The following KCNIP4 variants were observed in gnomAD, a reference collection of about 807,000 sequenced individuals.
KCNIP4 encodes the protein potassium voltage-gated channel interacting protein 4.
Under a neutral mutation model 34.0 loss-of-function variants are expected in KCNIP4, and 12 were observed. The ratio of observed to expected loss-of-function variants is 0.35; its 90% CI spans 0.23 to 0.57. KCNIP4 has a LOEUF of 0.57. KCNIP4 is among the 20% of genes least tolerant of loss of function. The pLI is 0.83. For synonymous variants in KCNIP4, 124 were observed against 102.2 expected, an observed-to-expected ratio of 1.21 and a Z score of -1.29; for missense variants, 238 against 311.7, an observed-to-expected ratio of 0.76 and a Z score of 1.78.
intron 1 of KCNIP4, among the ~76,000 whole-genome samples, chr4:21,199,961 T>C (rs1383755031): frequency 6.6e-6 from 1 of 151,934 alleles, no homozygotes; most frequent in South Asian, 2.1e-4. Flanking sequence ...AAACACTGCA[T>C]GCTCTCACTC....
chr4:21,926,871 G>A lies in KCNIP4; in HGVS notation c.61+21700C>T, dbSNP rs183921848. ...AAATACTAGTGAAACAGATAACCCT[G>A]TGGCCAGGTATATTCATTCTCTATT... is the stretch of plus-strand genomic sequence containing the variant. On this transcript the variant is annotated intron_variant, in intron 1 of 8. Transcript: ENST00000382152. Among the ~76,000 whole-genome samples the A allele has an allele frequency of 3.5e-4, 53 of 152,286 alleles. No homozygotes were observed. The South Asian group carries it at 7.0e-3, about 20-fold the overall frequency.
chr4:21,829,630 G>A (rs1006530558), intron 1 of KCNIP4, among the ~76,000 whole-genome samples: 1 of 151,922 alleles, frequency 6.6e-6, no homozygotes, highest in African/African-American at 2.4e-5. Context: ...AAAATAGCCT[G>A]TTACAAAATG....
chr4:21,292,432 G>A (rs73113134), intron 1 of KCNIP4, among the ~76,000 whole-genome samples: 4,246 of 152,022 alleles, frequency 0.028, 207 homozygotes, highest in African/African-American at 0.097. Flanking sequence ...ATTTGCCACC[G>A]AGTCTTTCCC....
intron 1 of KCNIP4, among the ~76,000 whole-genome samples, chr4:21,109,888 TAAGA>T (rs1749003758): frequency 6.6e-6 from 1 of 151,824 alleles, no homozygotes; most frequent in African/African-American, 2.4e-5. Flanking sequence ...TTTCCTAAAG[TAAGA>T]AAGAACTTAA....
intron 1 of KCNIP4, among the ~76,000 whole-genome samples, chr4:21,888,474 GT>G (rs1726911596): frequency 6.6e-6 from 1 of 152,034 alleles, no homozygotes; most frequent in Non-Finnish European, 1.5e-5. Context: ...CCATAATAAT[GT>G]TGCACCCAAA....
At chr4:21,917,839 A>C (rs1272811382) in intron 1 of KCNIP4, among the ~76,000 whole-genome samples, 1 of 152,208 alleles carries the variant, frequency 6.6e-6, no homozygotes, top group East Asian at 1.9e-4. Context: ...GATTGGCAAA[A>C]GCAAGACGTT....
chr4:21,415,794 A>T (rs1724907291), intron 1 of KCNIP4, among the ~76,000 whole-genome samples: 1 of 152,152 alleles, frequency 6.6e-6, no homozygotes, highest in African/African-American at 2.4e-5. Flanking sequence ...ACAAACACAA[A>T]TGGACACAAA....
At chr4:21,643,870 T>TGATAGATAGATAGATAGATA (rs5856654) in intron 1 of KCNIP4, among the ~76,000 whole-genome samples, 21 of 107,796 alleles carry the variant, frequency 1.9e-4, no homozygotes, top group East Asian at 1.3e-3. Flanking sequence ...ATGATGATGA[T>TGATAGATAGATAGATAGATA]GATAGATAGA....
chr4:21,570,182 G>A (rs1740254229), intron 1 of KCNIP4, among the ~76,000 whole-genome samples: 1 of 152,156 alleles, frequency 6.6e-6, no homozygotes, highest in Non-Finnish European at 1.5e-5. Flanking sequence ...TCTGGAAAAT[G>A]TAATTTTTGG....
chr4:21,415,460 G>A (rs1724868425), intron 1 of KCNIP4, among the ~76,000 whole-genome samples: 1 of 151,848 alleles, frequency 6.6e-6, no homozygotes, highest in Non-Finnish European at 1.5e-5. Flanking sequence ...AGGAGGCTGA[G>A]GCAGGCAGAT....
intron 1 of KCNIP4, among the ~76,000 whole-genome samples, chr4:21,587,175 G>A (rs1016913789): frequency 6.6e-6 from 1 of 151,990 alleles, no homozygotes; most frequent in Non-Finnish European, 1.5e-5. Flanking sequence ...TCAAGCCCTG[G>A]ATTTATTATC....
At chr4:21,310,342 G>T (rs1713015635) in intron 1 of KCNIP4, among the ~76,000 whole-genome samples, 1 of 151,848 alleles carries the variant, frequency 6.6e-6, no homozygotes, top group Non-Finnish European at 1.5e-5. Flanking sequence ...AGCCTTGCCA[G>T]AGAATTTACC....
chr4:21,073,668 A>C (rs889023256), intron 1 of KCNIP4, among the ~76,000 whole-genome samples: 4 of 152,140 alleles, frequency 2.6e-5, no homozygotes, highest in Non-Finnish European at 5.9e-5. Flanking sequence ...AACTTCCAAC[A>C]CTATGTTGAA....
intron 1 of KCNIP4, among the ~76,000 whole-genome samples, chr4:21,421,619 G>A (rs939991778): frequency 1.3e-5 from 2 of 152,116 alleles, no homozygotes; most frequent in African/African-American, 4.8e-5. Context: ...AGGGGCTGGG[G>A]TGGGGATGGA....
chr4:21,012,221 A>G (rs1577531995), intron 1 of KCNIP4, among the ~76,000 whole-genome samples: 1 of 152,148 alleles, frequency 6.6e-6, no homozygotes, highest in East Asian at 1.9e-4. Flanking sequence ...TGCTCAATAA[A>G]CATTTGAATA....
At chr4:21,516,377 G>T (rs1274049228) in intron 1 of KCNIP4, among the ~76,000 whole-genome samples, 2 of 152,092 alleles carry the variant, frequency 1.3e-5, no homozygotes, top group East Asian at 1.9e-4. Flanking sequence ...ATATCAAAGG[G>T]CAGAATAAGT....
At chr4:21,678,373 G>T (rs2109020096) in intron 1 of KCNIP4, among the ~76,000 whole-genome samples, 2 of 130,682 alleles carry the variant, frequency 1.5e-5, no homozygotes, top group African/African-American at 6.0e-5. Context: ...AATGGACCAT[G>T]CAAAAAAACA....
intron 1 of KCNIP4, among the ~76,000 whole-genome samples, chr4:21,305,155 T>C (rs529626156): frequency 6.6e-6 from 1 of 152,212 alleles, no homozygotes; most frequent in East Asian, 1.9e-4. Context: ...ATTTCATAGA[T>C]GAACAAGCTG....
At chr4:20,770,563 TC>T (rs1755780287) in intron 3 of KCNIP4, among the ~76,000 whole-genome samples, 1 of 151,920 alleles carries the variant, frequency 6.6e-6, no homozygotes, top group South Asian at 2.1e-4. Flanking sequence ...CAGCAGGTAC[TC>T]CATATCGCAG....
Sources: allele counts gnomAD v4.1 joint callset (sites outside exome capture counted in the v4.1 genomes callset), GRCh38; gene constraint gnomAD v4.1.1; transcripts MANE v1.5; gene names NCBI Gene and HGNC (gene_info 2026-07-23, HGNC 2026-07-21).